The following NAP1L4 variants were observed in gnomAD, a reference collection of about 807,000 sequenced individuals.
The protein encoded by NAP1L4 is nucleosome assembly protein 1-like 4.
In NAP1L4, 15 loss-of-function variants were observed where a neutral mutation model predicts 58.2. That is an observed-to-expected ratio of 0.26 (90% CI 0.17 to 0.40). The LOEUF (loss-of-function observed/expected upper bound fraction) is 0.40, where lower values mean the gene tolerates loss of function less well. Ranked by LOEUF, NAP1L4 falls within the 10% of genes least tolerant of loss-of-function variation. The pLI is 1.00. For missense variants in NAP1L4, 384 were observed against 451.1 expected (o/e 0.85, Z 1.35); for synonymous variants, 171 against 155.6 (o/e 1.10, Z -0.74).
intron 6 of NAP1L4, among the ~76,000 whole-genome samples, chr11:2,970,559 T>A (rs559613796): frequency 1.3e-5 from 2 of 152,038 alleles, no homozygotes; most frequent in Admixed American, 6.6e-5. Context: ...AAAGGCCACA[T>A]GGCAAAAGGA....
At position 2,976,058 on chromosome 11, in the gene NAP1L4, T is replaced by G. The variant is rs769904928; in HGVS notation, c.139A>C (p.Asn47His). 5.6e-6 allele frequency: 9 copies of G among 1,613,970 alleles called. No individual in the cohort carries two copies. The highest frequency in any genetic ancestry group is 4.4e-5 in the South Asian group (4 of 91,072). The change falls in exon 4 of 16, where the codon AAT becomes CAT. Residue 47 changes from asparagine to histidine, a missense_variant. Asn to His is a moderately conservative substitution (Grantham distance 68). This residue lies in a region of NAP1L4 where 84 missense variants were observed against 73.7 expected (regional missense o/e 1.14). Coordinates refer to ENST00000380542, the MANE Select transcript of NAP1L4 (RefSeq NM_005969.4). The part of the protein sequence containing the change: ...VLAALQERLD[N>H]VPHTPSSYIE... ...TAGCTGGAAGGGGTGTGAGGGACATTGTCAAGTCGCTCCTGTAAAGCTGCC... is the reference window on the plus strand; with the variant it reads ...TAGCTGGAAGGGGTGTGAGGGACATGGTCAAGTCGCTCCTGTAAAGCTGCC...
chr11:2,954,676 A>AT lies in NAP1L4; in HGVS notation c.916-31dup. On this transcript the variant is annotated intron_variant, in intron 11 of 15. Coordinates refer to ENST00000380542, the MANE Select transcript of NAP1L4 (RefSeq NM_005969.4). The surrounding 1 kb of genome is among the most constrained non-coding windows in gnomAD (Gnocchi z 4.8). Reference sequence around the variant, plus strand: ...GGAGGAAAAACCTACGTGTTAACTCATTTTAATGGGATAAAAACATTCACT... The same window carrying AT: ...GGAGGAAAAACCTACGTGTTAACTCATTTTTAATGGGATAAAAACATTCACT... The AT allele has an allele frequency of 6.2e-7, 1 of 1,614,060 alleles. No homozygotes were observed. Among genetic ancestry groups the AT allele is most frequent in the Non-Finnish European group, 8.5e-7 (1 of 1,179,946 alleles).
chr11:2,991,309 G>C (rs925021139), intron 1 of NAP1L4: 1 of 329,658 alleles, frequency 3.0e-6, no homozygotes, highest in South Asian at 2.3e-5. Flanking sequence ...GGGGTGAACG[G>C]AAAGCATTCA....
At chr11:2,985,122 T>C (rs1848546367) in intron 1 of NAP1L4, among the ~76,000 whole-genome samples, 1 of 152,238 alleles carries the variant, frequency 6.6e-6, no homozygotes, top group South Asian at 2.1e-4. Flanking sequence ...TTAACTGTGA[T>C]CCATCACGTG....
rs1304750146 is a variant in NAP1L4 at position 2,948,789 on chromosome 11, T to C, written c.*32+438A>G. Among the ~76,000 whole-genome samples the C allele has an allele frequency of 6.6e-6, 1 of 152,176 alleles. No homozygotes were observed. Among genetic ancestry groups the C allele is most frequent in the Non-Finnish European group, 1.5e-5 (1 of 68,034 alleles). ...ACATGAATTCAAAAAGTATAGATAT[T>C]CAACAGACACGTGTTGGTAATGACA... On this transcript the variant is annotated intron_variant, in intron 15 of 15. Transcript: ENST00000380542. The surrounding 1 kb of genome is among the most constrained non-coding windows in gnomAD (Gnocchi z 5.1).
intron 4 of NAP1L4, 145 bp downstream of exon 4, chr11:2,975,879 C>T: frequency 1.4e-6 from 1 of 706,216 alleles, no homozygotes; most frequent in Non-Finnish European, 2.3e-6. Flanking sequence ...TCACTCCTCT[C>T]ATATCCCAGT....
chr11:2,954,401 A>T lies in NAP1L4; in HGVS notation c.1035+126T>A. On this transcript the variant is annotated intron_variant, in intron 12 of 15. Transcript: ENST00000380542. The surrounding 1 kb of genome is among the most constrained non-coding windows in gnomAD (Gnocchi z 4.8). ...CACAACAAGGACAGCAGCTTGGACT[A>T]CATATCTGGCTGATGATGTAATAAA... The T allele has an allele frequency of 7.4e-7, 1 of 1,352,540 alleles. No individual in the cohort carries two copies. Among genetic ancestry groups the T allele is most frequent in the Non-Finnish European group, 1.0e-6 (1 of 957,080 alleles). 83.8% of individuals were successfully genotyped at this position (1,352,540 alleles called of 1,614,324 possible). A position where few individuals can be genotyped will look rare whatever the true frequency, so the allele number is the denominator to read the frequency against.
In NAP1L4 at chr11:2,949,464, C is replaced by T. The variant is rs747212037; in HGVS notation, c.1123-200G>A. 1.3e-5 allele frequency among the ~76,000 whole-genome samples: 2 copies of T among 152,140 alleles called. No individual in the cohort carries two copies. The highest frequency in any genetic ancestry group is 2.4e-5 in the African/African-American group (1 of 41,414). Reference sequence around the variant, plus strand: ...ATTTTCACTTCTATCAGACTGCTCCCAATACTAAAACCTCCCTTCCTTCCT... The same window carrying T: ...ATTTTCACTTCTATCAGACTGCTCCTAATACTAAAACCTCCCTTCCTTCCT... On this transcript the variant is annotated intron_variant, in intron 14 of 15. Transcript: ENST00000380542. The surrounding 1 kb of genome is among the most constrained non-coding windows in gnomAD (Gnocchi z 4.0).
intron 1 of NAP1L4, among the ~76,000 whole-genome samples, chr11:2,986,729 T>C (rs1413751715): frequency 3.3e-5 from 5 of 151,520 alleles, no homozygotes; most frequent in Non-Finnish European, 7.4e-5. Context: ...CAGTTTCTCC[T>C]GCCTCAGCCT....
At chr11:2,945,743 T>G in intron 15 of NAP1L4, 97 bp from the exon 16 acceptor site, 1 of 1,000,984 alleles carries the variant, frequency 1.0e-6, no homozygotes, top group Non-Finnish European at 1.4e-6. Flanking sequence ...AATGAGTTCA[T>G]TCTCATTGAA....
At chr11:2,970,942 T>C (rs1385370453) in intron 6 of NAP1L4, among the ~76,000 whole-genome samples, 1 of 151,570 alleles carries the variant, frequency 6.6e-6, no homozygotes, top group Non-Finnish European at 1.5e-5. Flanking sequence ...AGTTAATCCA[T>C]GGTACACTGG....
chr11:2,964,884 A>G lies in NAP1L4; in HGVS notation c.535-133T>C, dbSNP rs1031636773. On this transcript the variant is annotated intron_variant, in intron 7 of 15. Transcript: ENST00000380542. The stretch of plus-strand genomic sequence containing the variant: ...TTGGAATTCTGTCCTTGTCAAAGTA[A>G]TAACTACCAGGAAGAAACCCAGACT... The G allele has an allele frequency of 7.4e-6, 5 of 677,228 alleles. No homozygotes were observed. The African/African-American group carries it at 9.0e-5, about 12-fold the overall frequency. 42.0% of individuals were successfully genotyped at this position (677,228 alleles called of 1,614,324 possible). A position where few individuals can be genotyped will look rare whatever the true frequency, so the allele number is the denominator to read the frequency against.
At chr11:2,980,945 T>C (rs1244170115) in intron 1 of NAP1L4, among the ~76,000 whole-genome samples, 1 of 144,978 alleles carries the variant, frequency 6.9e-6, no homozygotes, top group Non-Finnish European at 1.5e-5. Flanking sequence ...AAAAAAAAAA[T>C]GCAGCAGGCA....
intron 1 of NAP1L4, among the ~76,000 whole-genome samples, chr11:2,981,102 C>G (rs6578306): frequency 0.84 from 127,210 of 151,810 alleles, 53,751 homozygotes; most frequent in African/African-American, 0.94. Flanking sequence ...GCCAGGCGTG[C>G]TGGTGTGAAC....
intron 1 of NAP1L4, 96 bp from the exon 2 acceptor site, chr11:2,979,333 A>G (rs1848163809): frequency 1.0e-6 from 1 of 1,000,654 alleles, no homozygotes; most frequent in Admixed American, 2.3e-5. Flanking sequence ...GATGGAGTCC[A>G]CTAGAAGGGA....
chr11:2,963,557 AC>A (rs1171968755), intron 8 of NAP1L4, among the ~76,000 whole-genome samples: 1 of 152,140 alleles, frequency 6.6e-6, no homozygotes, highest in Non-Finnish European at 1.5e-5. Context: ...AGTAGAAGAG[AC>A]AGATACAGGT....
At chr11:2,958,007 C>G (rs1393807979) in intron 10 of NAP1L4, among the ~76,000 whole-genome samples, 1 of 152,162 alleles carries the variant, frequency 6.6e-6, no homozygotes, top group African/African-American at 2.4e-5. Flanking sequence ...CCGGGGGGTG[C>G]GAACCAGACA....
Position 2,981,269 on chromosome 11 carries a change from A to G in NAP1L4, c.-17-2032T>C, listed in dbSNP as rs918242906. ...AAGAAAAAAAAAAAAATGAGGCTGG[A>G]CACAGCGGCTGATACCTCTGGTCGC... On this transcript the variant is annotated intron_variant, in intron 1 of 15. Coordinates refer to ENST00000380542, the MANE Select transcript of NAP1L4 (RefSeq NM_005969.4). Among the ~76,000 whole-genome samples, 12 of 151,100 alleles carry G rather than the reference A, an allele frequency of 7.9e-5. 1 individual carries two copies. The highest frequency in any genetic ancestry group is 1.2e-4 in the Non-Finnish European group (8 of 67,796).
At chr11:2,960,904 G>A (rs1383040176) in intron 8 of NAP1L4, among the ~76,000 whole-genome samples, 1 of 152,148 alleles carries the variant, frequency 6.6e-6, no homozygotes. Flanking sequence ...CGCTCAGACA[G>A]CCTGGATTCA....
Sources: gnomAD v4.1 joint callset for allele counts (sites outside exome capture counted in the v4.1 genomes callset) on GRCh38, gnomAD v4.1.1 for gene constraint, gnomAD v4.1.1 regional missense constraint, Gnocchi (gnomAD v3.1) non-coding constraint, MANE v1.5 for transcripts, NCBI Gene and HGNC (gene_info 2026-07-23, HGNC 2026-07-21) for gene names.